The following GABRA2 variants were observed in gnomAD, a reference collection of about 807,000 sequenced individuals.
GABRA2 encodes gamma-aminobutyric acid receptor subunit alpha-2.
A neutral mutation model predicts 48.7 loss-of-function variants in GABRA2; 16 were observed. The observed-to-expected ratio is 0.33, with a 90% confidence interval of 0.22 to 0.50. The LOEUF is 0.50. GABRA2 is among the 20% of genes least tolerant of loss of function. The pLI is 0.98. For missense variants in GABRA2, 275 were observed against 535.6 expected, an observed-to-expected ratio of 0.51 and a Z score of 4.80; for synonymous variants, 185 against 184.5, an observed-to-expected ratio of 1.00 and a Z score of -0.02.
At chr4:46,313,282 G>A (rs1727991316) in intron 4 of GABRA2, among the ~76,000 whole-genome samples, 1 of 151,710 alleles carries the variant, frequency 6.6e-6, no homozygotes, top group Non-Finnish European at 1.5e-5. Flanking sequence ...ATCATCTCCT[G>A]TTGCCAAAGA....
chr4:46,311,603 C>T (rs1013707306), intron 5 of GABRA2, among the ~76,000 whole-genome samples: 9 of 152,106 alleles, frequency 5.9e-5, no homozygotes, highest in Admixed American at 4.6e-4. Flanking sequence ...ATTTATTCTG[C>T]AAGAAAATTT....
intron 3 of GABRA2, among the ~76,000 whole-genome samples, chr4:46,378,137 C>T (rs1472922611): frequency 6.6e-6 from 1 of 152,024 alleles, no homozygotes; most frequent in Non-Finnish European, 1.5e-5. Flanking sequence ...TCTGCCCGGC[C>T]ACCACCCCGT....
At chr4:46,366,798 T>G (rs1345006904) in intron 3 of GABRA2, 5 of 152,122 alleles carry the variant, frequency 3.3e-5, no homozygotes, top group Non-Finnish European at 7.4e-5. Context: ...TTTAAACGGT[T>G]GGTATAAAAC....
intron 3 of GABRA2, among the ~76,000 whole-genome samples, chr4:46,375,805 T>C (rs1715610156): frequency 6.6e-6 from 1 of 152,228 alleles, no homozygotes; most frequent in African/African-American, 2.4e-5. Flanking sequence ...TATGAATTTA[T>C]GCAGACTGGG....
At chr4:46,337,036 T>TATATATATATATATATATATATATA (rs1320084428) in intron 3 of GABRA2, among the ~76,000 whole-genome samples, 1 of 152,120 alleles carries the variant, frequency 6.6e-6, no homozygotes, top group African/African-American at 2.4e-5. Context: ...AAGAACAAAA[T>TATATATATATATATATATATATATA]TGATGTTCAA....
rs959328938 is a variant in GABRA2 at position 46,256,317 on chromosome 4, G to A, written c.1059+5609C>T. 5.8e-6 allele frequency: 4 copies of A among 693,874 alleles called. No homozygotes were observed. The highest frequency in any genetic ancestry group is 1.1e-5 in the Non-Finnish European group (4 of 380,100). 43.0% of individuals were successfully genotyped at this position (693,874 alleles called of 1,614,324 possible). On this transcript the variant is annotated intron_variant, in intron 9 of 9. Transcript: ENST00000381620. ...GACCATATTAGCTTAGCTCCTTGAA[G>A]AATTGCTTTCACTGAGTTGTATGTT... is the stretch of plus-strand genomic sequence containing the variant.
Position 46,284,219 on chromosome 4 carries a change from GT to G in GABRA2, c.856+19240del, listed in dbSNP as rs796712505. ...AGATAATACTATTCATCACAATTAT[GT>G]TTTTTATATAAGGTTCTTTAAAAAG... On this transcript the variant is annotated intron_variant, in intron 8 of 9. Coordinates refer to ENST00000381620, the MANE Select transcript of GABRA2 (RefSeq NM_000807.4). Among the ~76,000 whole-genome samples, 105 of 152,040 alleles carry G rather than the reference GT, an allele frequency of 6.9e-4. 4 individuals are homozygous for G. Among genetic ancestry groups the G allele is most frequent in the African/African-American group, 2.5e-3 (103 of 41,476 alleles).
At chr4:46,293,086 G>A (rs1259340591) in intron 8 of GABRA2, among the ~76,000 whole-genome samples, 1 of 152,068 alleles carries the variant, frequency 6.6e-6, no homozygotes, top group Admixed American at 6.6e-5. Flanking sequence ...GTAGAGCTCT[G>A]GCATTGGCTA....
At chr4:46,362,421 T>TA (rs1713355735) in intron 3 of GABRA2, among the ~76,000 whole-genome samples, 1 of 152,178 alleles carries the variant, frequency 6.6e-6, no homozygotes, top group Non-Finnish European at 1.5e-5. Flanking sequence ...TAAAGTCCAT[T>TA]AAACCTCTTT....
chr4:46,363,751 T>C (rs1172475339), intron 3 of GABRA2: 1 of 152,144 alleles, frequency 6.6e-6, no homozygotes, highest in East Asian at 1.9e-4. Flanking sequence ...TGAGCAAGGA[T>C]GATAAAAATA....
intron 3 of GABRA2, among the ~76,000 whole-genome samples, chr4:46,361,560 A>T (rs1713191185): frequency 6.6e-6 from 1 of 152,208 alleles, no homozygotes; most frequent in South Asian, 2.1e-4. Context: ...TAGAACAATG[A>T]GGAAGGGAAA....
chr4:46,249,826 T>A lies in GABRA2; in HGVS notation c.*482A>T, dbSNP rs1714376115. ...TTTCTTATGTGTACCAAGCTTCCAA[T>A]TACATTAGCAGGGACTCTGAGCACT... On this transcript the variant is annotated 3_prime_UTR_variant, in exon 10 of 10. Coordinates refer to ENST00000381620, the MANE Select transcript of GABRA2 (RefSeq NM_000807.4). The A allele has an allele frequency of 6.5e-6, 1 of 154,160 alleles. No individual in the cohort carries two copies. Among genetic ancestry groups the A allele is most frequent in the Non-Finnish European group, 1.4e-5 (1 of 69,548 alleles). The allele number at this position is 154,160 out of a possible 1,614,324, so 9.5% of individuals were successfully genotyped here. A position where few individuals can be genotyped will look rare whatever the true frequency, so the allele number is the denominator to read the frequency against.
chr4:46,292,433 T>C (rs1560486353), intron 8 of GABRA2, among the ~76,000 whole-genome samples: 1 of 152,104 alleles, frequency 6.6e-6, no homozygotes, highest in East Asian at 1.9e-4. Flanking sequence ...TAGAAAAGAA[T>C]GGGACACTAC....
At chr4:46,357,469 C>A (rs1223367404) in intron 3 of GABRA2, among the ~76,000 whole-genome samples, 2 of 149,140 alleles carry the variant, frequency 1.3e-5, no homozygotes, top group African/African-American at 5.0e-5. Context: ...AATTTGAATT[C>A]TCTCACTTAC....
At chr4:46,276,038 T>G (rs1455703869) in intron 8 of GABRA2, among the ~76,000 whole-genome samples, 1 of 152,144 alleles carries the variant, frequency 6.6e-6, no homozygotes, top group Non-Finnish European at 1.5e-5. Context: ...AAGTCGATAT[T>G]TTCTACATTT....
chr4:46,264,517 A>G (rs529624652), intron 8 of GABRA2, among the ~76,000 whole-genome samples: 4 of 152,128 alleles, frequency 2.6e-5, no homozygotes, highest in African/African-American at 9.6e-5. Context: ...CCAACCTTGC[A>G]TTTCTGGGAT....
intron 6 of GABRA2, among the ~76,000 whole-genome samples, chr4:46,306,577 A>T (rs564990127): frequency 6.6e-6 from 1 of 152,302 alleles, no homozygotes; most frequent in East Asian, 1.9e-4. Flanking sequence ...AGTAACAGGT[A>T]ATTCTTTCTA....
intron 6 of GABRA2, 52 bp from the exon 7 acceptor site, chr4:46,305,763 C>T (rs1243160091): frequency 6.1e-6 from 8 of 1,318,288 alleles, no homozygotes; most frequent in Non-Finnish European, 7.6e-6. Context: ...AACCATCAAT[C>T]TAGTGCTACA....
intron 4 of GABRA2, among the ~76,000 whole-genome samples, chr4:46,320,454 G>A (rs529955870): frequency 1.6e-4 from 24 of 151,790 alleles, no homozygotes; most frequent in Non-Finnish European, 2.7e-4. Context: ...AAACTAGAAA[G>A]CTTCTGTACA....
Sources: gnomAD v4.1 joint callset for allele counts (sites outside exome capture counted in the v4.1 genomes callset) on GRCh38, gnomAD v4.1.1 for gene constraint, MANE v1.5 for transcripts, NCBI Gene and HGNC (gene_info 2026-07-23, HGNC 2026-07-21) for gene names.